Variants in SSU72 observed in about 807,000 individuals in gnomAD.
The protein encoded by SSU72 is RNA polymerase II subunit A C-terminal domain phosphatase SSU72.
Under a neutral mutation model 22.7 loss-of-function variants are expected in SSU72, and 12 were observed. The ratio of observed to expected loss-of-function variants is 0.53; its 90% CI spans 0.34 to 0.86. The LOEUF is 0.86. Among genes scored for constraint, SSU72 ranks in the 40% least tolerant of loss-of-function variants. The pLI, the probability that SSU72 is intolerant of heterozygous loss-of-function variation, is 0.02. For synonymous variants in SSU72, 116 were observed against 98.3 expected (o/e 1.18, Z -1.06); for missense variants, 151 against 249.8 (o/e 0.60, Z 2.67).
At chr1:1,564,720 C>A in intron 2 of SSU72, 53 bp downstream of exon 2, 2 of 1,614,226 alleles carry the variant, frequency 1.2e-6, no homozygotes, top group Non-Finnish European at 1.7e-6. Context: ...ACACGTAACA[C>A]CTTCCAGGGA....
chr1:1,547,032 A>G (rs1437820486), intron 2 of SSU72, among the ~76,000 whole-genome samples: 2 of 152,034 alleles, frequency 1.3e-5, no homozygotes, highest in African/African-American at 4.8e-5. Flanking sequence ...CACCGTCTCA[A>G]AAAGAAAAGA....
intron 3 of SSU72, chr1:1,544,631 A>G (rs1455954452): frequency 1.7e-6 from 1 of 589,174 alleles, no homozygotes; most frequent in African/African-American, 1.9e-5. Flanking sequence ...AACAAAACAA[A>G]AAAACACCAA....
intron 2 of SSU72, among the ~76,000 whole-genome samples, chr1:1,560,121 G>A (rs1338747743): frequency 1.3e-5 from 2 of 152,046 alleles, no homozygotes; most frequent in East Asian, 1.9e-4. Context: ...CCCAGTATTG[G>A]GATTACAGGT....
chr1:1,552,820 A>G (rs1405110150), intron 2 of SSU72, among the ~76,000 whole-genome samples: 1 of 152,132 alleles, frequency 6.6e-6, no homozygotes, highest in Non-Finnish European at 1.5e-5. Flanking sequence ...CAGGAGTTTG[A>G]GACCAGCCTG....
intron 1 of SSU72, among the ~76,000 whole-genome samples, chr1:1,566,579 G>A (rs963037619): frequency 6.6e-6 from 1 of 152,214 alleles, no homozygotes; most frequent in African/African-American, 2.4e-5. Flanking sequence ...AAGGCCGGGT[G>A]CGGTGGCTCA....
intron 3 of SSU72, 100 bp downstream of exon 3, chr1:1,544,762 CA>C: frequency 6.4e-7 from 1 of 1,564,690 alleles, no homozygotes; most frequent in Non-Finnish European, 8.8e-7. Flanking sequence ...CGGCCCCCGC[CA>C]CTCTAGACGG....
intron 2 of SSU72, 176 bp downstream of exon 2, chr1:1,564,597 G>A (rs1553132227): frequency 1.2e-6 from 2 of 1,609,908 alleles, no homozygotes; most frequent in Admixed American, 3.4e-5. Flanking sequence ...GGTGGCACTG[G>A]AACTAACCCG....
rs1455895386 is a variant in SSU72, at chr1:1,542,724, C to T, written c.484-557G>A. Among the ~76,000 whole-genome samples the T allele has an allele frequency of 1.3e-5, 2 of 152,210 alleles. No homozygotes were observed. Among genetic ancestry groups the T allele is most frequent in the East Asian group, 1.9e-4 (1 of 5,154 alleles). On this transcript the variant is annotated intron_variant, in intron 4 of 4. Coordinates refer to ENST00000291386, the MANE Select transcript of SSU72 (RefSeq NM_014188.3). This position sits in a 1 kb window ranked among gnomAD's most constrained non-coding sequence, Gnocchi z 4.4. ...GCACCCAGTGCCTCTAAGCAAGGAG[C>T]GGCCTGTCTGTGACTCAGCTCTGGC... is the stretch of plus-strand genomic sequence containing the variant.
At chr1:1,543,446 G>A (rs1017993233) in intron 4 of SSU72, among the ~76,000 whole-genome samples, 1 of 152,230 alleles carries the variant, frequency 6.6e-6, no homozygotes, top group Non-Finnish European at 1.5e-5. Flanking sequence ...TCCCTGTGCA[G>A]CGTCTCTCAG....
rs980199169 is a variant in SSU72, at chr1:1,574,859, G to A, written c.-302C>T. 5 of 360,634 alleles carry A rather than the reference G, an allele frequency of 1.4e-5. No homozygotes were observed. The highest frequency in any genetic ancestry group is 1.6e-5 in the Non-Finnish European group (3 of 183,068). The allele number at this position is 360,634 out of a possible 1,614,324, so 22.3% of individuals were successfully genotyped here. On this transcript the variant is annotated 5_prime_UTR_variant, in exon 1 of 5. The change creates a new upstream start codon in the 5' untranslated region. Coordinates refer to ENST00000291386, the MANE Select transcript of SSU72 (RefSeq NM_014188.3). ...CGCACTCCACAAGGCCCGGCTGAGC[G>A]TCACGGCGCCAAGCGGCGGCGTCCT... is the stretch of plus-strand genomic sequence containing the variant.
At chr1:1,574,355 C>A in intron 1 of SSU72, 123 bp downstream of exon 1, 1 of 1,040,678 alleles carries the variant, frequency 9.6e-7, no homozygotes, top group Non-Finnish European at 1.4e-6. Flanking sequence ...AACCAGCCGA[C>A]CCACGAGCGC....
intron 2 of SSU72, among the ~76,000 whole-genome samples, chr1:1,549,455 G>C (rs928545669): frequency 6.6e-6 from 1 of 151,506 alleles, no homozygotes; most frequent in Non-Finnish European, 1.5e-5. Flanking sequence ...CGGAGGCGGA[G>C]CTTGCAGTGA....
chr1:1,564,829 A>G lies in SSU72; in HGVS notation c.168T>C (p.Asp56=). Residue 56 remains aspartate, a synonymous_variant, in exon 2 of 5, where the codon GAT becomes GAC. Coordinates refer to ENST00000291386, the MANE Select transcript of SSU72 (RefSeq NM_014188.3). ...ACATCTGGTCATATGTGGTTTTGAA[A>G]TCATAAACATTGGGCTTGTCGGGAG... is the stretch of plus-strand genomic sequence containing the variant. ...GPAPDKPNVY[D]FKTTYDQMYN... is the part of the protein sequence containing the mutation. 2 of 1,614,138 alleles carry G rather than the reference A, an allele frequency of 1.2e-6. No individual in the cohort carries two copies. Among genetic ancestry groups the G allele is most frequent in the Middle Eastern group, 1.6e-4 (1 of 6,062 alleles).
At chr1:1,557,184 G>A (rs1051163342) in intron 2 of SSU72, among the ~76,000 whole-genome samples, 4 of 151,534 alleles carry the variant, frequency 2.6e-5, no homozygotes, top group Non-Finnish European at 5.9e-5. Context: ...TGGCCGAGGC[G>A]GGTGAATCAC....
At chr1:1,564,751 A>G in intron 2 of SSU72, 22 bp downstream of exon 2, 1 of 1,614,206 alleles carries the variant, frequency 6.2e-7, no homozygotes, top group East Asian at 2.2e-5. Context: ...GGGGGTTTTT[A>G]AAGGGCAACC....
At chr1:1,567,443 T>C (rs931480557) in intron 1 of SSU72, among the ~76,000 whole-genome samples, 1 of 152,060 alleles carries the variant, frequency 6.6e-6, no homozygotes, top group African/African-American at 2.4e-5. Flanking sequence ...GACTGTGAAA[T>C]AAACGTGAAA....
chr1:1,542,930 G>A lies in SSU72; in HGVS notation c.484-763C>T, dbSNP rs779725208. Among the ~76,000 whole-genome samples the A allele has an allele frequency of 2.6e-5, 4 of 152,190 alleles. No homozygotes were observed. The highest frequency in any genetic ancestry group is 5.9e-5 in the Non-Finnish European group (4 of 68,034). On this transcript the variant is annotated intron_variant, in intron 4 of 4. Transcript: ENST00000291386. The surrounding 1 kb of genome is among the most constrained non-coding windows in gnomAD (Gnocchi z 4.4). ...CCAGGCGGAGCGCAGGAGCCTCTGC[G>A]GCCACACAGCAGCTTCTCCCAGCGC...
chr1:1,549,370 A>C (rs1642428658), intron 2 of SSU72, among the ~76,000 whole-genome samples: 1 of 151,588 alleles, frequency 6.6e-6, no homozygotes, highest in South Asian at 2.1e-4. Context: ...AAACACAAAA[A>C]ATTAGCCAGG....
chr1:1,543,439 C>T (rs1393687594), intron 4 of SSU72, among the ~76,000 whole-genome samples: 1 of 152,226 alleles, frequency 6.6e-6, no homozygotes, highest in Non-Finnish European at 1.5e-5. Context: ...GGGGAGGTCC[C>T]TGTGCAGCGT....
Sources: gnomAD v4.1 joint callset for allele counts (sites outside exome capture counted in the v4.1 genomes callset) on GRCh38, gnomAD v4.1.1 for gene constraint, Gnocchi (gnomAD v3.1) non-coding constraint, MANE v1.5 for transcripts, NCBI Gene and HGNC (gene_info 2026-07-23, HGNC 2026-07-21) for gene names.